Variants in PRSS23 observed in about 807,000 individuals in gnomAD.
The protein encoded by PRSS23 is protease, serine 23.
PRSS23 carries 25 observed loss-of-function variants against 34.7 expected under a neutral mutation model. That is an observed-to-expected ratio of 0.72 (90% CI 0.53 to 1.01). The LOEUF (loss-of-function observed/expected upper bound fraction) is 1.01, where lower values mean the gene tolerates loss of function less well. Among genes scored for constraint, PRSS23 ranks in the 50% least tolerant of loss-of-function variants. The pLI is 0.00. For missense variants in PRSS23, 445 were observed against 475.6 expected, an observed-to-expected ratio of 0.94 and a Z score of 0.60; for synonymous variants, 176 against 186.6, an observed-to-expected ratio of 0.94 and a Z score of 0.46.
rs535413994 is a variant in PRSS23 at position 86,878,293 on chromosome 11, C to T, written c.206+54700C>T. Reference sequence around the variant, plus strand: ...CGGTCTCCCTCTCCCTCTCTTTCCACGGTCTCCCACTGATGCCCAGCCGAA... The same window carrying T: ...CGGTCTCCCTCTCCCTCTCTTTCCATGGTCTCCCACTGATGCCCAGCCGAA... On this transcript the variant is annotated intron_variant, in intron 2 of 2. Transcript: ENST00000533902. Among the ~76,000 whole-genome samples, 343 of 149,988 alleles carry T rather than the reference C, an allele frequency of 2.3e-3. 2 individuals carry two copies. The highest frequency in any genetic ancestry group is 6.9e-3 in the African/African-American group (282 of 40,858).
chr11:86,924,257 T>C (rs575283124), intron 2 of PRSS23, among the ~76,000 whole-genome samples: 1 of 152,110 alleles, frequency 6.6e-6, no homozygotes, highest in Admixed American at 6.5e-5. Flanking sequence ...ACAGCTCCCA[T>C]GGGCAAAATT....
At chr11:86,909,762 C>G (rs1948966251) in intron 2 of PRSS23, 2 of 152,256 alleles carry the variant, frequency 1.3e-5, no homozygotes, top group South Asian at 4.1e-4. Context: ...TTTATCCTAG[C>G]TCTCCGCACT....
At chr11:86,891,493 C>G (rs1207950746) in intron 2 of PRSS23, among the ~76,000 whole-genome samples, 2 of 152,134 alleles carry the variant, frequency 1.3e-5, no homozygotes, top group Non-Finnish European at 2.9e-5. Context: ...GCACAGCTAT[C>G]CTGGATTCCT....
At chr11:86,928,213 TATAA>T (rs1311818075) in intron 2 of PRSS23, among the ~76,000 whole-genome samples, 2 of 129,786 alleles carry the variant, frequency 1.5e-5, no homozygotes, top group African/African-American at 2.9e-5. Context: ...ATTTTATACT[TATAA>T]ATATATATGT....
rs562570520 is a variant in PRSS23 at position 86,828,640 on chromosome 11, G to T, written c.206+5047G>T. 6.7e-4 allele frequency among the ~76,000 whole-genome samples: 102 copies of T among 152,234 alleles called. 1 individual carries two copies. In the South Asian group the frequency reaches 0.012, roughly 18 times the overall value. ...TTTTGCAGCGGCTGGTACCGGTTGT[G>T]CCTTTCCATGTTTAGTGCTTCCTTC... On this transcript the variant is annotated intron_variant, in intron 2 of 2. Coordinates refer to the PRSS23 transcript ENST00000533902.
intron 1 of PRSS23, among the ~76,000 whole-genome samples, chr11:86,817,692 C>T (rs1008707046): frequency 6.6e-6 from 1 of 152,186 alleles, no homozygotes; most frequent in African/African-American, 2.4e-5. Flanking sequence ...AATGAATTTA[C>T]GTTGTGTTCA....
At chr11:86,850,905 A>G (rs1246345852) in intron 2 of PRSS23, among the ~76,000 whole-genome samples, 4 of 152,202 alleles carry the variant, frequency 2.6e-5, no homozygotes, top group African/African-American at 4.8e-5. Flanking sequence ...TCTTCCTACC[A>G]CACCTATTCC....
chr11:86,823,038 C>T (rs12280121), intron 1 of PRSS23, among the ~76,000 whole-genome samples: 1,696 of 152,232 alleles, frequency 0.011, 42 homozygotes, highest in African/African-American at 0.039. Flanking sequence ...CTCCAGGGAT[C>T]AAGTACCATG....
chr11:86,809,004 T>G lies in PRSS23; in HGVS notation c.*209T>G, dbSNP rs1948145768. 4 of 474,400 alleles carry G rather than the reference T, an allele frequency of 8.4e-6. No homozygotes were observed. The Admixed American group carries it at 1.2e-4, about 14-fold the overall frequency. 29.4% of individuals were successfully genotyped at this position (474,400 alleles called of 1,614,324 possible). ...GTTTGTGTATCATATCATATATCATTTAAGCAGTTTGAAGGCATACTTTTG... is the reference window on the plus strand; with the variant it reads ...GTTTGTGTATCATATCATATATCATGTAAGCAGTTTGAAGGCATACTTTTG... On this transcript the variant is annotated 3_prime_UTR_variant, in exon 2 of 2. Coordinates refer to ENST00000280258, the MANE Select transcript of PRSS23 (RefSeq NM_007173.6).
At chr11:86,929,846 C>T (rs982147974) in intron 2 of PRSS23, among the ~76,000 whole-genome samples, 15 of 152,020 alleles carry the variant, frequency 9.9e-5, no homozygotes, top group African/African-American at 3.6e-4. Flanking sequence ...CTCTGGGCAT[C>T]AATGACAGAA....
At chr11:86,849,860 CA>C (rs1208865848) in intron 2 of PRSS23, among the ~76,000 whole-genome samples, 14 of 152,154 alleles carry the variant, frequency 9.2e-5, no homozygotes, top group Admixed American at 3.9e-4. Context: ...CCTACAAAGC[CA>C]GCTTAATTCT....
downstream of PRSS23, among the ~76,000 whole-genome samples, chr11:86,816,015 A>G (rs1475229300): frequency 1.3e-5 from 2 of 152,132 alleles, no homozygotes; most frequent in Non-Finnish European, 2.9e-5. Context: ...GCTGGTTACT[A>G]GAGAAGTTTA....
chr11:86,834,756 G>A (rs1361572247), intron 2 of PRSS23, among the ~76,000 whole-genome samples: 3 of 152,098 alleles, frequency 2.0e-5, no homozygotes, highest in Non-Finnish European at 4.4e-5. Flanking sequence ...CATGGGCATG[G>A]AGGACTAGGT....
At chr11:86,817,693 G>A (rs780868807) in intron 1 of PRSS23, among the ~76,000 whole-genome samples, 27 of 152,270 alleles carry the variant, frequency 1.8e-4, no homozygotes, top group South Asian at 4.1e-4. Flanking sequence ...ATGAATTTAC[G>A]TTGTGTTCAG....
At chr11:86,873,959 C>T (rs1420689876) in intron 2 of PRSS23, among the ~76,000 whole-genome samples, 2 of 152,044 alleles carry the variant, frequency 1.3e-5, no homozygotes, top group African/African-American at 4.8e-5. Flanking sequence ...GTCCTATGAG[C>T]AGTTCTGAGG....
chr11:86,894,333 G>T (rs1948861110), intron 2 of PRSS23, among the ~76,000 whole-genome samples: 1 of 152,184 alleles, frequency 6.6e-6, no homozygotes, highest in South Asian at 2.1e-4. Flanking sequence ...ATATGGAAAA[G>T]AAATCATCTT....
intron 2 of PRSS23, among the ~76,000 whole-genome samples, chr11:86,872,906 A>G (rs1192370421): frequency 6.6e-6 from 1 of 152,218 alleles, no homozygotes; most frequent in Non-Finnish European, 1.5e-5. Flanking sequence ...GGGGTCTGTT[A>G]TAAAGATTAT....
chr11:86,869,492 G>A (rs756204747), intron 2 of PRSS23, among the ~76,000 whole-genome samples: 3 of 152,122 alleles, frequency 2.0e-5, no homozygotes, highest in Non-Finnish European at 2.9e-5. Context: ...AATGAGAGAG[G>A]CAAACAATCA....
intron 2 of PRSS23, among the ~76,000 whole-genome samples, chr11:86,883,054 G>C (rs1002801356): frequency 9.9e-5 from 15 of 152,096 alleles, no homozygotes; most frequent in African/African-American, 3.6e-4. Flanking sequence ...GGTGTTGTTT[G>C]TTTCTTTCTG....
Sources: gnomAD v4.1 joint callset for allele counts (sites outside exome capture counted in the v4.1 genomes callset) on GRCh38, gnomAD v4.1.1 for gene constraint, MANE v1.5 for transcripts, NCBI Gene and HGNC (gene_info 2026-07-23, HGNC 2026-07-21) for gene names.